WDR7: variants seen among roughly 807,000 people sequenced by gnomAD.
The protein encoded by WDR7 is WD repeat domain 7.
In WDR7, 46 loss-of-function variants were observed where a neutral mutation model predicts 169.4. The observed-to-expected ratio is 0.27, with a 90% confidence interval of 0.21 to 0.35. The LOEUF (loss-of-function observed/expected upper bound fraction) is 0.35. WDR7 is among the 10% of genes least tolerant of loss of function. The pLI is 1.00. For synonymous variants in WDR7, 612 were observed against 666.8 expected, an observed-to-expected ratio of 0.92 and a Z score of 1.27; for missense variants, 1,534 against 1,859.3, an observed-to-expected ratio of 0.83 and a Z score of 3.22.
intron 20 of WDR7, among the ~76,000 whole-genome samples, chr18:56,817,596 C>A (rs2045001539): frequency 6.6e-6 from 1 of 152,124 alleles, no homozygotes; most frequent in East Asian, 1.9e-4. Flanking sequence ...CTTTTAAATT[C>A]TTTTTAGTGT....
intron 20 of WDR7, among the ~76,000 whole-genome samples, chr18:56,849,843 G>A (rs2045616566): frequency 6.6e-6 from 1 of 152,120 alleles, no homozygotes; most frequent in Admixed American, 6.5e-5. Context: ...GAGTAGCTGG[G>A]ACTACAGGTG....
chr18:56,876,299 G>A (rs944818879), intron 20 of WDR7, among the ~76,000 whole-genome samples: 1 of 152,106 alleles, frequency 6.6e-6, no homozygotes, highest in African/African-American at 2.4e-5. Flanking sequence ...GAAAAACTGG[G>A]TGGATTAGTA....
At chr18:56,717,073 C>A (rs1478140958) in intron 12 of WDR7, among the ~76,000 whole-genome samples, 1 of 152,142 alleles carries the variant, frequency 6.6e-6, no homozygotes, top group Non-Finnish European at 1.5e-5. Flanking sequence ...GGGCCTCCCC[C>A]TCAATAAATA....
chr18:56,745,476 C>G (rs995051958), intron 14 of WDR7, among the ~76,000 whole-genome samples: 2 of 152,148 alleles, frequency 1.3e-5, no homozygotes, highest in Non-Finnish European at 2.9e-5. Context: ...CGGGATGAAA[C>G]TGGCGTTAGA....
chr18:56,882,011 T>A (rs562713700), intron 21 of WDR7, among the ~76,000 whole-genome samples: 1 of 152,256 alleles, frequency 6.6e-6, no homozygotes, highest in Non-Finnish European at 1.5e-5. Context: ...TGAACTCAAG[T>A]GTCTTGCGAC....
At chr18:56,711,699 C>CT (rs1262356332) in intron 12 of WDR7, among the ~76,000 whole-genome samples, 17 of 147,638 alleles carry the variant, frequency 1.2e-4, no homozygotes, top group Non-Finnish European at 1.5e-4. Flanking sequence ...CAGTCCTCTA[C>CT]TTTTTTTTTT....
chr18:56,812,517 G>A (rs1048359326), intron 19 of WDR7, among the ~76,000 whole-genome samples: 1 of 152,158 alleles, frequency 6.6e-6, no homozygotes, highest in African/African-American at 2.4e-5. Flanking sequence ...TGCAAAGGCT[G>A]GAATGTCCCA....
At chr18:56,902,741 C>G (rs1280104832) in intron 21 of WDR7, among the ~76,000 whole-genome samples, 1 of 152,064 alleles carries the variant, frequency 6.6e-6, no homozygotes, top group African/African-American at 2.4e-5. Flanking sequence ...TAAACCAGAG[C>G]TCAAATTAAC....
At chr18:56,680,633 A>G (rs1363917015) in intron 3 of WDR7, among the ~76,000 whole-genome samples, 1 of 152,220 alleles carries the variant, frequency 6.6e-6, no homozygotes, top group Non-Finnish European at 1.5e-5. Context: ...GTATTTCTTC[A>G]ATAGACAAGG....
chr18:56,660,646 A>G (rs551923404), intron 1 of WDR7, among the ~76,000 whole-genome samples: 1 of 121,144 alleles, frequency 8.3e-6, no homozygotes, highest in African/African-American at 3.0e-5. Flanking sequence ...GGGAATGCCA[A>G]TATTTAAAGG....
intron 20 of WDR7, among the ~76,000 whole-genome samples, chr18:56,841,148 G>A (rs959380765): frequency 2.0e-5 from 3 of 151,938 alleles, no homozygotes; most frequent in East Asian, 3.9e-4. Context: ...AGCTGAGATC[G>A]CACCACCGCA....
At position 57,027,258 on chromosome 18, in the gene WDR7, C is replaced by A. The variant is rs754373768; in HGVS notation, c.*51C>A. ...GTTTTAGTTCTCTAAATTATCCAAG[C>A]CGATGTTGCTCTGTCCTTCCTCACA... On this transcript the variant is annotated 3_prime_UTR_variant, in exon 28 of 28. Coordinates refer to ENST00000254442, the MANE Select transcript of WDR7 (RefSeq NM_015285.3). 1 of 1,547,874 alleles carries A rather than the reference C, an allele frequency of 6.5e-7. No homozygotes were observed. The highest frequency in any genetic ancestry group is 8.7e-7 in the Non-Finnish European group (1 of 1,148,696).
chr18:56,867,049 G>C (rs971779976), intron 20 of WDR7, among the ~76,000 whole-genome samples: 7 of 151,450 alleles, frequency 4.6e-5, no homozygotes, highest in African/African-American at 1.5e-4. Flanking sequence ...TTTTGAGGCA[G>C]GGTCTCACTC....
chr18:56,983,570 CAGAGAGAG>C (rs574515963), intron 26 of WDR7, among the ~76,000 whole-genome samples: 1,334 of 60,930 alleles, frequency 0.022, 19 homozygotes, highest in African/African-American at 0.048. Context: ...CACACACACA[CAGAGAGAG>C]AGAGAGAGAG....
At chr18:56,687,318 A>G (rs2025462932) in intron 7 of WDR7, among the ~76,000 whole-genome samples, 1 of 152,212 alleles carries the variant, frequency 6.6e-6, no homozygotes, top group African/African-American at 2.4e-5. Flanking sequence ...ATTAAAGCTA[A>G]TAGTCAATAT....
intron 16 of WDR7, among the ~76,000 whole-genome samples, chr18:56,773,716 T>C (rs2145035537): frequency 6.6e-6 from 1 of 152,236 alleles, no homozygotes; most frequent in East Asian, 1.9e-4. Context: ...GTGGCTAAAA[T>C]GCCCATCTAC....
intron 20 of WDR7, among the ~76,000 whole-genome samples, chr18:56,840,016 C>T (rs1441461854): frequency 3.3e-5 from 5 of 152,132 alleles, no homozygotes; most frequent in East Asian, 1.9e-4. Flanking sequence ...GAGCCAAGAT[C>T]GCGCCACTGC....
intron 20 of WDR7, among the ~76,000 whole-genome samples, chr18:56,852,873 T>C (rs183903661): frequency 6.6e-6 from 1 of 152,312 alleles, no homozygotes; most frequent in East Asian, 1.9e-4. Context: ...TTCAGCATGT[T>C]TTAAAATATT....
At chr18:56,817,071 A>C (rs1361312184) in intron 20 of WDR7, among the ~76,000 whole-genome samples, 1 of 152,076 alleles carries the variant, frequency 6.6e-6, no homozygotes, top group African/African-American at 2.4e-5. Flanking sequence ...AGGGCTGGAC[A>C]CAGTGGCTCA....
Sources: allele counts gnomAD v4.1 joint callset (sites outside exome capture counted in the v4.1 genomes callset), GRCh38; gene constraint gnomAD v4.1.1; transcripts MANE v1.5; gene names NCBI Gene and HGNC (gene_info 2026-07-23, HGNC 2026-07-21).